Variants in NLGN1 observed in about 807,000 individuals in gnomAD.
NLGN1 encodes neuroligin 1.
NLGN1 carries 12 observed loss-of-function variants against 65.5 expected under a neutral mutation model. The ratio of observed to expected loss-of-function variants is 0.18; its 90% CI spans 0.12 to 0.30. The LOEUF (loss-of-function observed/expected upper bound fraction) is 0.30, where lower values mean the gene tolerates loss of function less well. Among genes scored for constraint, NLGN1 ranks in the 10% least tolerant of loss-of-function variants. The pLI is 1.00. For synonymous variants in NLGN1, 350 were observed against 359.5 expected (o/e 0.97, Z 0.30); for missense variants, 750 against 1,007.1 (o/e 0.74, Z 3.46).
chr3:173,747,237 AT>A (rs1340345273), intron 3 of NLGN1, among the ~76,000 whole-genome samples: 1 of 146,220 alleles, frequency 6.8e-6, no homozygotes, highest in Non-Finnish European at 1.5e-5. Context: ...AAATATATAT[AT>A]CTTTAAGTAT....
At chr3:173,618,653 A>T (rs1753512548) in intron 3 of NLGN1, among the ~76,000 whole-genome samples, 1 of 152,140 alleles carries the variant, frequency 6.6e-6, no homozygotes, top group East Asian at 1.9e-4. Flanking sequence ...AACAGCTGAT[A>T]AATGAAGGAG....
intron 2 of NLGN1, among the ~76,000 whole-genome samples, chr3:173,560,070 A>C (rs1261753180): frequency 6.6e-6 from 1 of 151,256 alleles, no homozygotes; most frequent in Non-Finnish European, 1.5e-5. Flanking sequence ...CAGCCTCCCT[A>C]ATAGCTGGGA....
intron 4 of NLGN1, among the ~76,000 whole-genome samples, chr3:174,006,249 T>C (rs1379948224): frequency 6.6e-6 from 1 of 152,230 alleles, no homozygotes; most frequent in Non-Finnish European, 1.5e-5. Context: ...TCCAGACTTC[T>C]ATTTGTATTC....
chr3:173,412,815 G>A (rs1425643509), intron 1 of NLGN1, among the ~76,000 whole-genome samples: 1 of 152,104 alleles, frequency 6.6e-6, no homozygotes, highest in Non-Finnish European at 1.5e-5. Context: ...TCACAAGAAG[G>A]GATTCTATGA....
At chr3:173,942,260 TG>T (rs1746293930) in intron 4 of NLGN1, among the ~76,000 whole-genome samples, 1 of 152,058 alleles carries the variant, frequency 6.6e-6, no homozygotes, top group Non-Finnish European at 1.5e-5. Flanking sequence ...ATTGCTGTAC[TG>T]TTTTAGAACC....
chr3:174,091,951 T>G (rs1277205256), intron 4 of NLGN1, among the ~76,000 whole-genome samples: 1 of 152,158 alleles, frequency 6.6e-6, no homozygotes, highest in Non-Finnish European at 1.5e-5. Flanking sequence ...TAAGGAAGTT[T>G]TGGAGTAAAT....
chr3:173,460,575 C>T (rs933832061), intron 2 of NLGN1, among the ~76,000 whole-genome samples: 1 of 152,040 alleles, frequency 6.6e-6, no homozygotes, highest in Non-Finnish European at 1.5e-5. Context: ...TGTTTTTTAT[C>T]ATTTCTGGGA....
chr3:173,514,078 A>T (rs1733430976), intron 2 of NLGN1, among the ~76,000 whole-genome samples: 1 of 152,186 alleles, frequency 6.6e-6, no homozygotes, highest in Non-Finnish European at 1.5e-5. Context: ...CTGCCCTTCT[A>T]AAACATACTG....
chr3:173,621,097 A>T (rs565078684), intron 3 of NLGN1, among the ~76,000 whole-genome samples: 1 of 152,298 alleles, frequency 6.6e-6, no homozygotes, highest in East Asian at 1.9e-4. Context: ...AGTGACACAC[A>T]GAAGCATACA....
At chr3:173,600,536 AAG>A (rs1252426416) in intron 2 of NLGN1, among the ~76,000 whole-genome samples, 22 of 79,392 alleles carry the variant, frequency 2.8e-4, no homozygotes, top group Admixed American at 1.7e-3. Context: ...TGAGTTCAAC[AAG>A]AAAACAAATA....
chr3:173,557,242 A>G (rs1196083089), intron 2 of NLGN1, among the ~76,000 whole-genome samples: 1 of 152,138 alleles, frequency 6.6e-6, no homozygotes, highest in Non-Finnish European at 1.5e-5. Context: ...CTCTGTCTTC[A>G]AGCCTGTTTT....
intron 4 of NLGN1, among the ~76,000 whole-genome samples, chr3:174,095,474 T>C (rs1008656909): frequency 3.4e-5 from 5 of 145,770 alleles, no homozygotes; most frequent in African/African-American, 1.0e-4. Flanking sequence ...GATGTGTGTG[T>C]ATGCTTGTGT....
chr3:173,835,900 A>G (rs1049756390), intron 4 of NLGN1, among the ~76,000 whole-genome samples: 1 of 152,156 alleles, frequency 6.6e-6, no homozygotes, highest in Non-Finnish European at 1.5e-5. Context: ...ATACATTAGC[A>G]TTTGTGAATT....
At chr3:173,441,471 A>G (rs1719192780) in intron 2 of NLGN1, among the ~76,000 whole-genome samples, 1 of 152,148 alleles carries the variant, frequency 6.6e-6, no homozygotes, top group South Asian at 2.1e-4. Context: ...TCACTTGAAC[A>G]GTGAGGGACC....
intron 3 of NLGN1, among the ~76,000 whole-genome samples, chr3:173,640,426 TTATC>T (rs759261472): frequency 5.9e-5 from 9 of 152,144 alleles, no homozygotes; most frequent in Non-Finnish European, 1.2e-4. Flanking sequence ...ATTTATCTTT[TTATC>T]TATCTATTGA....
At chr3:173,483,387 G>A (rs981097460) in intron 2 of NLGN1, among the ~76,000 whole-genome samples, 1 of 151,886 alleles carries the variant, frequency 6.6e-6, no homozygotes, top group African/African-American at 2.4e-5. Context: ...AAAGCAGTAT[G>A]ATGTTATTGT....
chr3:173,438,346 G>GA (rs975067744), intron 2 of NLGN1, among the ~76,000 whole-genome samples: 3 of 151,466 alleles, frequency 2.0e-5, no homozygotes, highest in Admixed American at 6.6e-5. Context: ...TTAAAAAGGT[G>GA]AAAAAAAATG....
chr3:174,132,428 T>G (rs1210661066), intron 4 of NLGN1, among the ~76,000 whole-genome samples: 1 of 152,170 alleles, frequency 6.6e-6, no homozygotes, highest in Admixed American at 6.5e-5. Context: ...ATATTGAAAA[T>G]TTTTCCTTCA....
rs79765542 is a variant in NLGN1 at position 174,107,718 on chromosome 3, T to C, written c.647-167597T>C. Among the ~76,000 whole-genome samples the C allele has an allele frequency of 2.5e-3, 379 of 152,270 alleles. 1 individual carries two copies. The highest frequency in any genetic ancestry group is 8.5e-3 in the African/African-American group (355 of 41,578). Reference sequence around the variant, plus strand: ...TTTTTTTAATAAACTACCATATTGTTTTTCAGCTGAGGCTGTACCATTTTA... The same window carrying C: ...TTTTTTTAATAAACTACCATATTGTCTTTCAGCTGAGGCTGTACCATTTTA... On this transcript the variant is annotated intron_variant, in intron 4 of 6. Coordinates refer to ENST00000457714, the Ensembl canonical transcript of NLGN1.
Sources: allele counts gnomAD v4.1 joint callset (sites outside exome capture counted in the v4.1 genomes callset), GRCh38; gene constraint gnomAD v4.1.1; transcripts MANE v1.5; gene names NCBI Gene and HGNC (gene_info 2026-07-23, HGNC 2026-07-21).